Variants in PCSK5 observed in about 807,000 individuals in gnomAD.
PCSK5 encodes the protein proprotein convertase subtilisin/kexin type 5.
A neutral mutation model predicts 233.2 loss-of-function variants in PCSK5; 129 were observed. The ratio of observed to expected loss-of-function variants is 0.55; its 90% confidence interval spans 0.48 to 0.64. The LOEUF (loss-of-function observed/expected upper bound fraction) is 0.64. Ranked by LOEUF, PCSK5 falls within the 30% of genes least tolerant of loss-of-function variation. The pLI is 0.00. For missense variants in PCSK5, 2,076 were observed against 2,430.1 expected (o/e 0.85, Z 3.06); for synonymous variants, 825 against 879.2 (o/e 0.94, Z 1.09).
intron 8 of PCSK5, among the ~76,000 whole-genome samples, chr9:76,103,454 A>G (rs1831845668): frequency 6.6e-6 from 1 of 152,194 alleles, no homozygotes; most frequent in Admixed American, 6.5e-5. Context: ...CTTGTCACTT[A>G]TGGCCAAAGT....
intron 5 of PCSK5, among the ~76,000 whole-genome samples, chr9:76,044,042 A>G (rs1455944427): frequency 6.6e-6 from 1 of 152,144 alleles, no homozygotes; most frequent in African/African-American, 2.4e-5. Flanking sequence ...AATGTTACCA[A>G]CTTTCTTATT....
At chr9:76,206,634 G>A (rs907617599) in intron 20 of PCSK5, among the ~76,000 whole-genome samples, 31 of 152,176 alleles carry the variant, frequency 2.0e-4, no homozygotes, top group African/African-American at 5.3e-4. Context: ...CTCACAGAGC[G>A]CAAACAAGGC....
intron 2 of PCSK5, among the ~76,000 whole-genome samples, chr9:75,950,493 G>A (rs966028366): frequency 8.5e-5 from 13 of 152,070 alleles, no homozygotes; most frequent in African/African-American, 2.9e-4. Flanking sequence ...CTGATCTCTC[G>A]GCAGAAACTC....
intron 21 of PCSK5, among the ~76,000 whole-genome samples, chr9:76,230,304 G>A (rs1041116964): frequency 6.6e-6 from 1 of 152,170 alleles, no homozygotes; most frequent in African/African-American, 2.4e-5. Context: ...GCTTTTGTTA[G>A]GGTGGACATG....
intron 7 of PCSK5, among the ~76,000 whole-genome samples, chr9:76,088,917 G>A (rs1037189467): frequency 1.6e-4 from 22 of 141,164 alleles, no homozygotes; most frequent in Admixed American, 6.6e-4. Flanking sequence ...GGTGGTGTTC[G>A]TGAGGTTTTT....
chr9:76,138,272 T>G lies in PCSK5; in HGVS notation c.1312+4060T>G, dbSNP rs567149380. Among the ~76,000 whole-genome samples the G allele has an allele frequency of 2.0e-5, 3 of 152,182 alleles. No individual in the cohort carries two copies. In the East Asian group the frequency reaches 5.8e-4, roughly 29 times the overall value. ...AGCCCCGACAATCTGCCAGGTCATG[T>G]TAGATAAGTGTTGATGATCCTTCTC... On this transcript the variant is annotated intron_variant, in intron 10 of 37. Coordinates refer to ENST00000674117, the MANE Select transcript of PCSK5 (RefSeq NM_001372043.1).
chr9:76,282,113 T>G (rs1827888995), intron 24 of PCSK5, among the ~76,000 whole-genome samples: 1 of 138,200 alleles, frequency 7.2e-6, no homozygotes, highest in Non-Finnish European at 1.5e-5. Context: ...CACCATTCTT[T>G]TCTTTGCTTT....
chr9:75,947,192 G>A (rs895130951), intron 2 of PCSK5, among the ~76,000 whole-genome samples: 4 of 151,616 alleles, frequency 2.6e-5, no homozygotes, highest in African/African-American at 9.8e-5. Context: ...GTACTTAACA[G>A]AGGTTCTTCT....
intron 3 of PCSK5, among the ~76,000 whole-genome samples, chr9:76,004,493 G>T (rs1192488173): frequency 6.6e-6 from 1 of 152,216 alleles, no homozygotes; most frequent in African/African-American, 2.4e-5. Context: ...ATATTTTGTA[G>T]CACGTGCATA....
At chr9:76,329,514 T>G (rs1829465272) in intron 33 of PCSK5, among the ~76,000 whole-genome samples, 1 of 152,162 alleles carries the variant, frequency 6.6e-6, no homozygotes, top group East Asian at 1.9e-4. Flanking sequence ...CACTTTCTTT[T>G]TCTTTCACAA....
intron 27 of PCSK5, among the ~76,000 whole-genome samples, chr9:76,299,791 C>T (rs17721158): frequency 0.067 from 10,258 of 152,196 alleles, 386 homozygotes; most frequent in Non-Finnish European, 0.078. Context: ...TGGCAGACCA[C>T]GGGCTTTGAA....
At chr9:76,297,917 G>T (rs1031514453) in intron 27 of PCSK5, among the ~76,000 whole-genome samples, 1 of 152,072 alleles carries the variant, frequency 6.6e-6, no homozygotes, top group Non-Finnish European at 1.5e-5. Context: ...CTCAGAGACC[G>T]TGGAAAGCCC....
intron 24 of PCSK5, among the ~76,000 whole-genome samples, chr9:76,253,327 T>A (rs1485088238): frequency 6.6e-6 from 1 of 152,082 alleles, no homozygotes; most frequent in Non-Finnish European, 1.5e-5. Context: ...AATAGTCTTC[T>A]GAAGATAAGA....
intron 20 of PCSK5, chr9:76,194,847 G>A: frequency 2.4e-6 from 1 of 419,244 alleles, no homozygotes; most frequent in East Asian, 8.1e-5. Flanking sequence ...CAGGCTTCAT[G>A]CTTCTGAGAG....
chr9:76,002,500 T>G (rs1827303696), intron 3 of PCSK5, among the ~76,000 whole-genome samples: 1 of 152,168 alleles, frequency 6.6e-6, no homozygotes, highest in Non-Finnish European at 1.5e-5. Context: ...ATCATACTGA[T>G]AAGAACAAAC....
intron 20 of PCSK5, among the ~76,000 whole-genome samples, chr9:76,212,219 T>C (rs557519949): frequency 2.6e-5 from 4 of 152,260 alleles, no homozygotes; most frequent in Admixed American, 2.6e-4. Flanking sequence ...TCTTTCATCA[T>C]TTTGGTACCT....
intron 24 of PCSK5, among the ~76,000 whole-genome samples, chr9:76,278,041 T>C (rs1252495000): frequency 1.3e-5 from 2 of 152,202 alleles, no homozygotes; most frequent in African/African-American, 4.8e-5. Context: ...TGGCTGCTTA[T>C]AATGCTGTCT....
intron 3 of PCSK5, among the ~76,000 whole-genome samples, chr9:76,013,918 A>T (rs1262764191): frequency 6.6e-6 from 1 of 152,112 alleles, no homozygotes; most frequent in Non-Finnish European, 1.5e-5. Flanking sequence ...ATTAGAAAAA[A>T]AATTATTTCC....
At chr9:75,991,878 T>C (rs1482960907) in intron 3 of PCSK5, among the ~76,000 whole-genome samples, 1 of 152,052 alleles carries the variant, frequency 6.6e-6, no homozygotes, top group Non-Finnish European at 1.5e-5. Context: ...ATGTTTAGAA[T>C]GTTCAAGACA....
Sources: allele counts gnomAD v4.1 joint callset (sites outside exome capture counted in the v4.1 genomes callset), GRCh38; gene constraint gnomAD v4.1.1; transcripts MANE v1.5; gene names NCBI Gene and HGNC (gene_info 2026-07-23, HGNC 2026-07-21).